The following SMYD3 variants were observed in gnomAD, a reference collection of about 807,000 sequenced individuals.
SMYD3 encodes the protein SET and MYND domain containing 3, also known as histone-lysine N-methyltransferase SMYD3.
In SMYD3, 36 loss-of-function variants were observed where a neutral mutation model predicts 57.7. That is an observed-to-expected ratio of 0.62 (90% CI 0.48 to 0.82). The LOEUF (loss-of-function observed/expected upper bound fraction) is 0.82, where lower values mean the gene tolerates loss of function less well. SMYD3 is among the 40% of genes least tolerant of loss of function. The probability of loss-of-function intolerance (pLI) is 0.00; values close to 1 mark genes in which losing one functional copy is unlikely to be tolerated. For synonymous variants in SMYD3, 211 were observed against 195.0 expected, an observed-to-expected ratio of 1.08 and a Z score of -0.68; for missense variants, 515 against 538.8, an observed-to-expected ratio of 0.96 and a Z score of 0.44.
chr1:245,755,967 G>C (rs1280054959), intron 11 of SMYD3, among the ~76,000 whole-genome samples: 1 of 144,572 alleles, frequency 6.9e-6, no homozygotes, highest in African/African-American at 2.5e-5. Flanking sequence ...TTTGTTTTCT[G>C]TTTGCTCTCT....
At chr1:245,917,121 C>G (rs1221484937) in intron 7 of SMYD3, among the ~76,000 whole-genome samples, 2 of 152,054 alleles carry the variant, frequency 1.3e-5, no homozygotes, top group African/African-American at 4.8e-5. Context: ...CCTCAACCTC[C>G]CAGGTTTGGG....
chr1:246,024,822 G>A (rs71638307), intron 5 of SMYD3, among the ~76,000 whole-genome samples: 1 of 47,228 alleles, frequency 2.1e-5, no homozygotes, highest in South Asian at 7.9e-4. Flanking sequence ...TCTAGGAAGG[G>A]AGATACAGCA....
chr1:246,321,678 T>A (rs1227994696), intron 5 of SMYD3: 1 of 151,814 alleles, frequency 6.6e-6, no homozygotes, highest in African/African-American at 2.4e-5. Flanking sequence ...TGCTTAGGAG[T>A]ATATACATTT....
chr1:246,502,237 C>T (rs2068467528), intron 1 of SMYD3, among the ~76,000 whole-genome samples: 1 of 151,864 alleles, frequency 6.6e-6, no homozygotes, highest in South Asian at 2.1e-4. Flanking sequence ...CTCCTGGGCT[C>T]AATTGATTCT....
At chr1:246,040,426 G>A (rs2059848700) in intron 5 of SMYD3, among the ~76,000 whole-genome samples, 1 of 152,204 alleles carries the variant, frequency 6.6e-6, no homozygotes, top group Non-Finnish European at 1.5e-5. Context: ...GCTCAGAATG[G>A]TGCTGACCCA....
intron 10 of SMYD3, among the ~76,000 whole-genome samples, chr1:245,822,840 A>T (rs2049252150): frequency 6.6e-6 from 1 of 152,186 alleles, no homozygotes; most frequent in African/African-American, 2.4e-5. Context: ...AGCCTCTTTT[A>T]AAAAAATCTT....
intron 5 of SMYD3, among the ~76,000 whole-genome samples, chr1:246,312,739 A>G (rs2065100023): frequency 2.0e-5 from 3 of 152,224 alleles, no homozygotes; most frequent in Admixed American, 1.3e-4. Context: ...TGGCAGCACC[A>G]TATTGTCATT....
At chr1:246,088,007 A>C (rs1048080309) in intron 5 of SMYD3, among the ~76,000 whole-genome samples, 6 of 152,188 alleles carry the variant, frequency 3.9e-5, no homozygotes, top group Admixed American at 2.6e-4. Flanking sequence ...TAAGGAAAAA[A>C]AAGAGCAATC....
At chr1:246,488,169 T>C (rs993378556) in intron 1 of SMYD3, among the ~76,000 whole-genome samples, 6 of 152,224 alleles carry the variant, frequency 3.9e-5, no homozygotes, top group African/African-American at 1.4e-4. Flanking sequence ...TTAAAGGTAG[T>C]TATTACACAG....
intron 10 of SMYD3, among the ~76,000 whole-genome samples, chr1:245,811,182 C>T (rs973194235): frequency 2.6e-5 from 4 of 152,114 alleles, no homozygotes; most frequent in Non-Finnish European, 4.4e-5. Context: ...AAATGAACAC[C>T]GTGCAGCAGG....
intron 10 of SMYD3, among the ~76,000 whole-genome samples, chr1:245,857,476 C>G (rs1030231463): frequency 7.6e-5 from 11 of 144,584 alleles, no homozygotes; most frequent in Non-Finnish European, 1.7e-4. Context: ...TCCACCTGCT[C>G]CTCTTCGCTT....
chr1:246,333,675 A>G lies in SMYD3; in HGVS notation c.336+1692T>C, dbSNP rs186933269. Among the ~76,000 whole-genome samples the G allele has an allele frequency of 2.9e-3, 440 of 152,152 alleles. 1 individual carries two copies. Among genetic ancestry groups the G allele is most frequent in the Admixed American group, 5.8e-3 (88 of 15,286 alleles). On this transcript the variant is annotated intron_variant, in intron 3 of 11. Transcript: ENST00000490107. ...AATTTCTTGAGCCCAGGAGTTTGAG[A>G]CCAGACTGGGAAACATGATGAAACT...
At chr1:245,873,898 G>A (rs993006456) in intron 8 of SMYD3, among the ~76,000 whole-genome samples, 17 of 152,210 alleles carry the variant, frequency 1.1e-4, no homozygotes, top group African/African-American at 3.9e-4. Context: ...GTGAGGCCTA[G>A]AGTCTAACAG....
chr1:245,978,464 C>A (rs1245781499), intron 5 of SMYD3, among the ~76,000 whole-genome samples: 5 of 152,110 alleles, frequency 3.3e-5, no homozygotes, highest in Admixed American at 6.5e-5. Flanking sequence ...TGATCTGAAT[C>A]CAGAGGTAAG....
chr1:246,168,031 G>T lies in SMYD3; in HGVS notation c.531+159170C>A, dbSNP rs61840454. Among the ~76,000 whole-genome samples the T allele has an allele frequency of 4.2e-3, 636 of 152,220 alleles. 6 individuals carry two copies. Among genetic ancestry groups the T allele is most frequent in the Middle Eastern group, 6.8e-3 (2 of 294 alleles). On this transcript the variant is annotated intron_variant, in intron 5 of 11. Coordinates refer to ENST00000490107, the MANE Select transcript of SMYD3 (RefSeq NM_001167740.2). The stretch of plus-strand genomic sequence containing the variant: ...AAACAGACAAAACGCAAAACAGTGC[G>T]GTGGTTAGGAAGCTGTGCTATGAAA...
At chr1:245,838,425 C>T (rs2050211128) in intron 10 of SMYD3, among the ~76,000 whole-genome samples, 1 of 152,224 alleles carries the variant, frequency 6.6e-6, no homozygotes, top group Non-Finnish European at 1.5e-5. Context: ...TGGGAGAAAT[C>T]ATTCAGGTAA....
At chr1:246,399,422 C>T (rs956750003) in intron 1 of SMYD3, among the ~76,000 whole-genome samples, 1 of 152,026 alleles carries the variant, frequency 6.6e-6, no homozygotes, top group African/African-American at 2.4e-5. Flanking sequence ...GCAGACTCCA[C>T]CTCCCAGGTT....
intron 10 of SMYD3, among the ~76,000 whole-genome samples, chr1:245,807,366 G>T (rs533998034): frequency 1.3e-5 from 2 of 152,292 alleles, no homozygotes; most frequent in African/African-American, 4.8e-5. Flanking sequence ...AAAAAAGGTT[G>T]GAGAGGAAGA....
chr1:245,866,459 C>T (rs2362581), intron 8 of SMYD3, among the ~76,000 whole-genome samples: 84,463 of 151,936 alleles, frequency 0.56, 26,680 homozygotes, highest in Non-Finnish European at 0.73. Context: ...AGGCTGGATG[C>T]GGCGGCTCAT....
Sources: gnomAD v4.1 joint callset for allele counts (sites outside exome capture counted in the v4.1 genomes callset) on GRCh38, gnomAD v4.1.1 for gene constraint, MANE v1.5 for transcripts, NCBI Gene and HGNC (gene_info 2026-07-23, HGNC 2026-07-21) for gene names.